ARHGAP24: variants seen among roughly 807,000 people sequenced by gnomAD.
ARHGAP24 encodes the protein Rho GTPase activating protein 24.
ARHGAP24 carries 50 observed loss-of-function variants against 76.4 expected under a neutral mutation model. The observed-to-expected ratio is 0.65, with a 90% CI of 0.52 to 0.83. The LOEUF (loss-of-function observed/expected upper bound fraction) is 0.83. Ranked by LOEUF, ARHGAP24 falls within the 40% of genes least tolerant of loss-of-function variation. The pLI is 0.00. For missense variants in ARHGAP24, 930 were observed against 914.2 expected, an observed-to-expected ratio of 1.02 and a Z score of -0.22; for synonymous variants, 345 against 323.3, an observed-to-expected ratio of 1.07 and a Z score of -0.72.
intron 3 of ARHGAP24, among the ~76,000 whole-genome samples, chr4:85,729,165 T>G (rs1725294166): frequency 6.6e-6 from 1 of 152,194 alleles, no homozygotes; most frequent in Admixed American, 6.6e-5. Flanking sequence ...GCCGTGAAGC[T>G]TGTATTTTTT....
chr4:85,917,976 G>T (rs12651053), intron 3 of ARHGAP24, among the ~76,000 whole-genome samples: 46,399 of 151,734 alleles, frequency 0.31, 7,321 homozygotes, highest in South Asian at 0.5. Flanking sequence ...GTTACCTGAC[G>T]TAGTCTGGGC....
intron 2 of ARHGAP24, among the ~76,000 whole-genome samples, chr4:85,639,300 A>G (rs988250593): frequency 1.3e-5 from 2 of 152,116 alleles, no homozygotes; most frequent in African/African-American, 4.8e-5. Flanking sequence ...ATTATTAACT[A>G]TTTCAGTAAA....
intron 2 of ARHGAP24, among the ~76,000 whole-genome samples, chr4:85,626,541 A>T (rs1312368751): frequency 2.0e-5 from 3 of 152,074 alleles, no homozygotes; most frequent in African/African-American, 7.2e-5. Context: ...GGTGAATCTG[A>T]CAATTATGTG....
At chr4:85,738,390 TATTATTATTATTATC>T (rs1392837628) in intron 3 of ARHGAP24, among the ~76,000 whole-genome samples, 12 of 146,988 alleles carry the variant, frequency 8.2e-5, no homozygotes, top group African/African-American at 2.5e-4. Context: ...TTATTATTAT[TATTATTATTATTATC>T]ATTATTATTA....
intron 2 of ARHGAP24, among the ~76,000 whole-genome samples, chr4:85,674,500 A>G (rs945345329): frequency 3.3e-5 from 5 of 152,222 alleles, no homozygotes; most frequent in African/African-American, 1.2e-4. Context: ...CACCCTTTAT[A>G]TTTTATACTT....
chr4:85,581,254 T>G (rs1272390005), intron 2 of ARHGAP24, among the ~76,000 whole-genome samples: 1 of 152,160 alleles, frequency 6.6e-6, no homozygotes, highest in African/African-American at 2.4e-5. Flanking sequence ...AAATTATTTC[T>G]CTTCTGACTT....
chr4:85,926,200 A>G (rs1297903292), intron 4 of ARHGAP24, among the ~76,000 whole-genome samples: 2 of 152,228 alleles, frequency 1.3e-5, no homozygotes, highest in African/African-American at 4.8e-5. Flanking sequence ...ACACTCAAAT[A>G]GTTGATTGGT....
chr4:85,780,160 G>GTTTATTTTTTATTT lies in ARHGAP24; in HGVS notation c.268+58193_268+58206dup, dbSNP rs80310268. The stretch of plus-strand genomic sequence containing the variant: ...TAGATCAAATGGTCACATAATCACT[G>GTTTATTTTTTATTT]TTTATTTTTTATTTTTTAGTTTTAT... On this transcript the variant is annotated intron_variant, in intron 3 of 9. Coordinates refer to ENST00000395184, the MANE Select transcript of ARHGAP24 (RefSeq NM_001025616.3). Among the ~76,000 whole-genome samples the GTTTATTTTTTATTT allele has an allele frequency of 1.1e-4, 17 of 151,452 alleles. No individual in the cohort carries two copies. The East Asian group carries it at 2.1e-3, about 19-fold the overall frequency.
At chr4:85,724,822 C>T (rs1005972063) in intron 3 of ARHGAP24, among the ~76,000 whole-genome samples, 2 of 152,042 alleles carry the variant, frequency 1.3e-5, no homozygotes, top group Admixed American at 6.6e-5. Flanking sequence ...AGATTTTTCG[C>T]TCCAAATTTT....
chr4:85,510,816 C>G (rs1388026481), intron 1 of ARHGAP24, among the ~76,000 whole-genome samples: 1 of 21,908 alleles, frequency 4.6e-5, no homozygotes, highest in Non-Finnish European at 1.1e-4. Flanking sequence ...CCTCCTCCTC[C>G]TCCTCCTTCT....
intron 3 of ARHGAP24, among the ~76,000 whole-genome samples, chr4:85,831,102 A>G (rs1397132571): frequency 6.6e-6 from 1 of 152,190 alleles, no homozygotes; most frequent in Non-Finnish European, 1.5e-5. Context: ...AGTTATTTCC[A>G]TTATGCTAGG....
intron 1 of ARHGAP24, among the ~76,000 whole-genome samples, chr4:85,512,537 A>G (rs1384181627): frequency 4.6e-5 from 7 of 152,168 alleles, no homozygotes; most frequent in African/African-American, 4.8e-5. Context: ...ACTATATTTT[A>G]TTAAAAGTTT....
At chr4:85,629,131 G>A in intron 2 of ARHGAP24, among the ~76,000 whole-genome samples, 1 of 152,078 alleles carries the variant, frequency 6.6e-6, no homozygotes, top group Non-Finnish European at 1.5e-5. Context: ...ATACACTGCA[G>A]GATTTTTCTT....
chr4:85,537,597 T>G (rs1173968263), intron 1 of ARHGAP24, among the ~76,000 whole-genome samples: 1 of 152,012 alleles, frequency 6.6e-6, no homozygotes, highest in Non-Finnish European at 1.5e-5. Context: ...CCTATTTGAG[T>G]TTTTAAATTC....
chr4:85,896,275 T>C (rs1316840331), intron 3 of ARHGAP24, among the ~76,000 whole-genome samples: 1 of 152,250 alleles, frequency 6.6e-6, no homozygotes, highest in Admixed American at 6.5e-5. Context: ...TACTTTTTTA[T>C]GTTTACGATT....
rs182645610 is a variant in ARHGAP24 at position 85,985,249 on chromosome 4, T to C, written c.928+7558T>C. On this transcript the variant is annotated intron_variant, in intron 8 of 9. Transcript: ENST00000395184. ...AATCAACCTAAATGCCCATCAATGA[T>C]AGACTGGATAAAGAAAACATGGTAC... Among the ~76,000 whole-genome samples, 373 of 152,258 alleles carry C rather than the reference T, an allele frequency of 2.4e-3. 1 individual carries two copies. Among genetic ancestry groups the C allele is most frequent in the Non-Finnish European group, 4.3e-3 (290 of 68,018 alleles).
intron 1 of ARHGAP24, among the ~76,000 whole-genome samples, chr4:85,522,413 A>T (rs1724814457): frequency 6.6e-6 from 1 of 152,164 alleles, no homozygotes; most frequent in Non-Finnish European, 1.5e-5. Context: ...TTTTCATAAC[A>T]TACTCTCCAC....
At chr4:85,982,713 T>C (rs1381892194) in intron 8 of ARHGAP24, among the ~76,000 whole-genome samples, 1 of 152,256 alleles carries the variant, frequency 6.6e-6, no homozygotes, top group East Asian at 1.9e-4. Flanking sequence ...TAAATCTGAC[T>C]GCATTCTTAA....
intron 3 of ARHGAP24, among the ~76,000 whole-genome samples, chr4:85,736,071 T>A (rs1418729295): frequency 6.6e-6 from 1 of 152,204 alleles, no homozygotes; most frequent in East Asian, 1.9e-4. Context: ...TTCCCTCTTT[T>A]TAGAATGGCT....
Sources: allele counts gnomAD v4.1 joint callset (sites outside exome capture counted in the v4.1 genomes callset), GRCh38; gene constraint gnomAD v4.1.1; transcripts MANE v1.5; gene names NCBI Gene and HGNC (gene_info 2026-07-23, HGNC 2026-07-21).